Variants in NCOR2 observed in about 807,000 individuals in gnomAD.
NCOR2 encodes the protein CTG repeat protein 26.
NCOR2 carries 81 observed loss-of-function variants against 262.9 expected under a neutral mutation model. The ratio of observed to expected loss-of-function variants is 0.31; its 90% CI spans 0.26 to 0.37. NCOR2 has a LOEUF of 0.37. NCOR2 is among the 10% of genes least tolerant of loss of function. The pLI is 1.00. For synonymous variants in NCOR2, 1,659 were observed against 1,559.3 expected (o/e 1.06, Z -1.51); for missense variants, 3,385 against 3,621.4 (o/e 0.93, Z 1.68).
Position 124,360,371 on chromosome 12 carries a change from G to A in NCOR2, c.3100+1755C>T, listed in dbSNP as rs138077296. On this transcript the variant is annotated intron_variant, in intron 22 of 46. Coordinates refer to ENST00000405201, the Ensembl canonical transcript of NCOR2. ...GGCTTTGCCTCCAAAACAAACTCCC[G>A]ATGCGCCCTTCCTTCCACCTCCACG... Among the ~76,000 whole-genome samples, 95 of 152,322 alleles carry A rather than the reference G, an allele frequency of 6.2e-4. No individual in the cohort carries two copies. The East Asian group carries it at 0.01, about 17-fold the overall frequency.
chr12:124,493,490 C>CT (rs2048205946), intron 1 of NCOR2, among the ~76,000 whole-genome samples: 1 of 152,218 alleles, frequency 6.6e-6, no homozygotes, highest in East Asian at 1.9e-4. Context: ...TCAGTACCCC[C>CT]ACTTTATGGG....
intron 16 of NCOR2, among the ~76,000 whole-genome samples, chr12:124,391,971 G>C (rs926027378): frequency 3.3e-5 from 5 of 152,236 alleles, no homozygotes; most frequent in African/African-American, 1.2e-4. Context: ...ACCGCAGTGG[G>C]CTGGGTGAGC....
At chr12:124,445,319 C>A (rs2045074657) in intron 7 of NCOR2, among the ~76,000 whole-genome samples, 1 of 152,202 alleles carries the variant, frequency 6.6e-6, no homozygotes, top group Non-Finnish European at 1.5e-5. Flanking sequence ...CCATCTCCTG[C>A]CCCTCTGCGG....
intron 6 of NCOR2, among the ~76,000 whole-genome samples, chr12:124,456,843 G>C (rs1279914681): frequency 6.6e-6 from 1 of 152,192 alleles, no homozygotes; most frequent in Non-Finnish European, 1.5e-5. Flanking sequence ...CGGGCTTCAC[G>C]GTATGCACAG....
At chr12:124,372,542 C>T (rs961226406) in exon 20 of NCOR2, 9 of 1,597,342 alleles carry the variant, frequency 5.6e-6, no homozygotes, top group Non-Finnish European at 5.9e-6. Flanking sequence ...CCATTCTGCC[C>T]TGTGTCCTTG....
chr12:124,355,391 A>G, intron 24 of NCOR2, 41 bp downstream of exon 26: 2 of 1,605,626 alleles, frequency 1.2e-6, no homozygotes, highest in Non-Finnish European at 1.7e-6. Context: ...CTTTACAGAT[A>G]AGAAGACTAA....
intron 20 of NCOR2, among the ~76,000 whole-genome samples, chr12:124,368,181 G>T (rs79009951): frequency 6.6e-6 from 1 of 152,238 alleles, no homozygotes; most frequent in Non-Finnish European, 1.5e-5. Context: ...GTGGGTGGGC[G>T]TGGGGATGCT....
At chr12:124,330,742 C>T (rs1032221213) in intron 44 of NCOR2, 103 bp downstream of exon 46, 7 of 1,302,996 alleles carry the variant, frequency 5.4e-6, no homozygotes, top group Non-Finnish European at 7.5e-6. Flanking sequence ...GGGGTACACC[C>T]AGACTAGCGA....
chr12:124,357,732 T>G (rs555713055), intron 22 of NCOR2, among the ~76,000 whole-genome samples: 1 of 152,412 alleles, frequency 6.6e-6, no homozygotes, highest in East Asian at 1.9e-4. Flanking sequence ...ACTCTCCGGC[T>G]CTTTGCAGGA....
rs1424953764 is a variant in NCOR2 at position 124,482,008 on chromosome 12, A to C, written c.411+1588T>G. Among the ~76,000 whole-genome samples, 2 of 152,070 alleles carry C rather than the reference A, an allele frequency of 1.3e-5. No homozygotes were observed. Among genetic ancestry groups the C allele is most frequent in the East Asian group, 3.9e-4 (2 of 5,186 alleles). On this transcript the variant is annotated intron_variant, in intron 3 of 46. Coordinates refer to ENST00000405201, the Ensembl canonical transcript of NCOR2. This position sits in a 1 kb window ranked among gnomAD's most constrained non-coding sequence, Gnocchi z 6.3. ...AGGGCAGAGGTGTCAGGATTTGCTG[A>C]TGGACTGGAAGTACGCAGGAGAGCA... is the stretch of plus-strand genomic sequence containing the variant.
intron 13 of NCOR2, among the ~76,000 whole-genome samples, chr12:124,414,284 T>C (rs1186624119): frequency 6.6e-6 from 1 of 152,200 alleles, no homozygotes; most frequent in Non-Finnish European, 1.5e-5. Context: ...CTCTGTCTCA[T>C]CTGGCCAGTG....
chr12:124,491,805 C>T (rs1192704413), intron 1 of NCOR2, among the ~76,000 whole-genome samples: 1 of 152,180 alleles, frequency 6.6e-6, no homozygotes, highest in East Asian at 1.9e-4. Flanking sequence ...ACCCTGGAGA[C>T]CCTCGCTTCC....
intron 6 of NCOR2, among the ~76,000 whole-genome samples, chr12:124,453,087 C>T (rs2045645082): frequency 6.6e-6 from 1 of 152,174 alleles, no homozygotes; most frequent in Non-Finnish European, 1.5e-5. Flanking sequence ...GAGGGAGGGA[C>T]AGTGACATGT....
intron 5 of NCOR2, among the ~76,000 whole-genome samples, chr12:124,465,160 T>C (rs1484500703): frequency 7.4e-6 from 1 of 135,712 alleles, no homozygotes; most frequent in Admixed American, 7.7e-5. Context: ...CTGGGAAGGG[T>C]GGCTGGGACT....
At chr12:124,356,585 T>TGCAAACAGC in intron 23 of NCOR2, 57 bp downstream of exon 25, 1 of 1,369,890 alleles carries the variant, frequency 7.3e-7, no homozygotes. Flanking sequence ...GTGCAAACAG[T>TGCAAACAGC]GCAAACAGCG....
intron 32 of NCOR2, 90 bp downstream of exon 34, chr12:124,344,507 C>T (rs567371341): frequency 1.6e-6 from 2 of 1,212,790 alleles, no homozygotes; most frequent in East Asian, 5.4e-5. Flanking sequence ...GAGGATATCC[C>T]AGGTGCAAAC....
rs2040191049 is a variant in NCOR2, at chr12:124,378,588, C to A, written c.2020-204G>T. Among the ~76,000 whole-genome samples the A allele has an allele frequency of 6.6e-6, 1 of 152,190 alleles. No homozygotes were observed. The highest frequency in any genetic ancestry group is 1.5e-5 in the Non-Finnish European group (1 of 68,028). On this transcript the variant is annotated intron_variant, in intron 17 of 46. Coordinates refer to ENST00000405201, the Ensembl canonical transcript of NCOR2. This position sits in a 1 kb window ranked among gnomAD's most constrained non-coding sequence, Gnocchi z 4.2. ...CCGGGGGCTTTATTCTTCCATTGAG[C>A]CCCAGATACACTCTGGGTACAGGCT... is the stretch of plus-strand genomic sequence containing the variant.
intron 1 of NCOR2, among the ~76,000 whole-genome samples, chr12:124,534,081 C>T (rs535497778): frequency 1.1e-4 from 16 of 152,028 alleles, no homozygotes; most frequent in Non-Finnish European, 2.2e-4. Flanking sequence ...ACCACCTGTA[C>T]GGCGTGTGGC....
intron 8 of NCOR2, among the ~76,000 whole-genome samples, chr12:124,434,107 G>A (rs1047245327): frequency 6.6e-6 from 1 of 152,126 alleles, no homozygotes; most frequent in African/African-American, 2.4e-5. Flanking sequence ...GGCAGGCTTG[G>A]GGGGCTGTGC....
Sources: allele counts gnomAD v4.1 joint callset (sites outside exome capture counted in the v4.1 genomes callset), GRCh38; gene constraint gnomAD v4.1.1; non-coding constraint Gnocchi (gnomAD v3.1); transcripts MANE v1.5; gene names NCBI Gene and HGNC (gene_info 2026-07-23, HGNC 2026-07-21).